Variants in C7orf78 observed in about 807,000 individuals in gnomAD.
C7orf78 encodes chromosome 7 open reading frame 78.
the C7orf78 span, among the ~76,000 whole-genome samples, chr7:12,517,405 A>G: frequency 6.6e-6 from 1 of 152,200 alleles, no homozygotes. Flanking sequence ...ATGAAAACAG[A>G]TTAATATGAT....
the C7orf78 span, chr7:12,483,700 T>C: frequency 8.6e-6 from 1 of 115,642 alleles, no homozygotes; most frequent in South Asian, 3.2e-4. Context: ...AAACCTCGTC[T>C]TTACTAAAAC....
the C7orf78 span, chr7:12,522,997 CATA>C: frequency 7.5e-6 from 3 of 398,100 alleles, no homozygotes; most frequent in Non-Finnish European, 4.4e-6. Context: ...ATGCCCCCCA[CATA>C]ATATACCATG....
the C7orf78 span, among the ~76,000 whole-genome samples, chr7:12,513,738 T>C: frequency 8.6e-5 from 13 of 151,722 alleles, no homozygotes; most frequent in Middle Eastern, 6.8e-3. Context: ...CGGTGGCTCA[T>C]GCCTGTAATC....
chr7:12,534,533 A>G, the C7orf78 span, among the ~76,000 whole-genome samples: 1 of 152,180 alleles, frequency 6.6e-6, no homozygotes, highest in African/African-American at 2.4e-5. Flanking sequence ...CATCATTAGG[A>G]GAGTGAAAAG....
the C7orf78 span, among the ~76,000 whole-genome samples, chr7:12,498,590 G>T: frequency 2.3e-3 from 347 of 152,310 alleles, 1 homozygote; most frequent in Admixed American, 4.1e-3. Flanking sequence ...TATGTGAAAA[G>T]ACCAAATCTA....
At chr7:12,498,260 A>G in the C7orf78 span, among the ~76,000 whole-genome samples, 1 of 152,084 alleles carries the variant, frequency 6.6e-6, no homozygotes, top group Non-Finnish European at 1.5e-5. Flanking sequence ...CTGAGAGAAG[A>G]AGGCTTCGGA....
At chr7:12,532,035 C>A in the C7orf78 span, among the ~76,000 whole-genome samples, 2 of 152,150 alleles carry the variant, frequency 1.3e-5, no homozygotes, top group Non-Finnish European at 2.9e-5. Flanking sequence ...CAAATGGACT[C>A]TCCACTGACC....
the C7orf78 span, among the ~76,000 whole-genome samples, chr7:12,493,514 G>C: frequency 3.9e-5 from 6 of 152,294 alleles, no homozygotes; most frequent in Middle Eastern, 3.4e-3. Context: ...GCAGGTTTGA[G>C]ATAGGGCCTA....
chr7:12,494,680 GT>G, the C7orf78 span, among the ~76,000 whole-genome samples: 1 of 152,140 alleles, frequency 6.6e-6, no homozygotes, highest in Non-Finnish European at 1.5e-5. Context: ...CTGATCATCT[GT>G]TTAGAAATAC....
the C7orf78 span, among the ~76,000 whole-genome samples, chr7:12,511,947 T>G: frequency 1.4e-4 from 17 of 119,044 alleles, no homozygotes; most frequent in South Asian, 5.6e-4. Context: ...TTTTTTTTTT[T>G]TGTATTTTCA....
At chr7:12,515,718 G>A in the C7orf78 span, among the ~76,000 whole-genome samples, 2 of 152,130 alleles carry the variant, frequency 1.3e-5, no homozygotes, top group African/African-American at 4.8e-5. Context: ...TGGAGATGAG[G>A]AACTTGTTGG....
chr7:12,509,920 G>C, the C7orf78 span, among the ~76,000 whole-genome samples: 1 of 151,718 alleles, frequency 6.6e-6, no homozygotes, highest in African/African-American at 2.4e-5. Context: ...TGTAATCCCA[G>C]CTACTTTGGA....
the C7orf78 span, among the ~76,000 whole-genome samples, chr7:12,528,459 T>C: frequency 7.0e-6 from 1 of 143,148 alleles, no homozygotes; most frequent in South Asian, 2.2e-4. Flanking sequence ...GTATATGCTA[T>C]GTGTCACTCA....
chr7:12,502,473 C>T, the C7orf78 span, among the ~76,000 whole-genome samples: 2 of 151,784 alleles, frequency 1.3e-5, no homozygotes, highest in Non-Finnish European at 2.9e-5. Flanking sequence ...CCAAAAAACA[C>T]ATGAAAAAAT....
At chr7:12,500,484 A>T in the C7orf78 span, among the ~76,000 whole-genome samples, 1 of 150,516 alleles carries the variant, frequency 6.6e-6, no homozygotes, top group African/African-American at 2.5e-5. Context: ...ATCTAGAAGA[A>T]ATGGATAAAT....
At chr7:12,534,916 C>T in the C7orf78 span, among the ~76,000 whole-genome samples, 32 of 150,648 alleles carry the variant, frequency 2.1e-4, no homozygotes, top group Middle Eastern at 3.4e-3. Context: ...CACTGCATTC[C>T]GGCCTGGGGG....
At chr7:12,503,240 CAAAT>C in the C7orf78 span, among the ~76,000 whole-genome samples, 1 of 114,784 alleles carries the variant, frequency 8.7e-6, no homozygotes, top group Non-Finnish European at 2.0e-5. Flanking sequence ...TAATAATAAA[CAAAT>C]AAATAAAAGA....
chr7:12,514,449 T>G, the C7orf78 span, among the ~76,000 whole-genome samples: 8 of 152,090 alleles, frequency 5.3e-5, no homozygotes, highest in Non-Finnish European at 1.2e-4. Flanking sequence ...TAAGTTGAGT[T>G]TCTTGTAAGC....
chr7:12,491,520 T>C, the C7orf78 span: 4 of 142,764 alleles, frequency 2.8e-5, no homozygotes, highest in Admixed American at 1.3e-4. Context: ...TTCTGGCCTC[T>C]GTGAGCATTG....
Sources: gnomAD v4.1 joint callset for allele counts (sites outside exome capture counted in the v4.1 genomes callset) on GRCh38, gnomAD v4.1.1 for gene constraint, MANE v1.5 for transcripts, NCBI Gene and HGNC (gene_info 2026-07-23, HGNC 2026-07-21) for gene names.